TTC29: variants seen among roughly 807,000 people sequenced by gnomAD.
TTC29 encodes tetratricopeptide repeat protein 29.
TTC29 carries 49 observed loss-of-function variants against 58.1 expected under a neutral mutation model. The observed-to-expected ratio is 0.84, with a 90% CI of 0.67 to 1.07. The LOEUF is 1.07. Ranked by LOEUF, TTC29 falls within the 50% of genes least tolerant of loss-of-function variation. The pLI is 0.00. For missense variants in TTC29, 582 were observed against 555.6 expected (o/e 1.05, Z -0.48); for synonymous variants, 209 against 196.8 (o/e 1.06, Z -0.52).
intron 11 of TTC29, 84 bp from the exon 12 acceptor site, chr4:146,707,635 C>G: frequency 1.0e-6 from 1 of 954,474 alleles, no homozygotes; most frequent in Non-Finnish European, 1.6e-6. Flanking sequence ...AATCCCTTTT[C>G]AGGGATATCT....
In TTC29 at chr4:146,816,997, CAG is replaced by C. The variant is rs1324374376; in HGVS notation, c.1101+3126_1101+3127del. 2.6e-5 allele frequency among the ~76,000 whole-genome samples: 4 copies of C among 152,186 alleles called. No individual in the cohort carries two copies. In the East Asian group the frequency reaches 7.7e-4, roughly 29 times the overall value. On this transcript the variant is annotated intron_variant, in intron 10 of 12. Transcript: ENST00000325106. The stretch of plus-strand genomic sequence containing the variant: ...ATACCACTAAGGGTGTAGAGAAAAA[CAG>C]AAGTTTATAAAGATAGTACCTCAAG...
At chr4:146,781,042 C>T (rs1307868345) in intron 11 of TTC29, among the ~76,000 whole-genome samples, 3 of 152,002 alleles carry the variant, frequency 2.0e-5, no homozygotes, top group African/African-American at 7.2e-5. Context: ...TTGTATTATA[C>T]TTCATCACTC....
chr4:146,805,145 T>G (rs1199863418), intron 10 of TTC29, among the ~76,000 whole-genome samples: 5 of 152,192 alleles, frequency 3.3e-5, no homozygotes, highest in African/African-American at 1.2e-4. Context: ...GAGAGGGGCC[T>G]GACTGTTAGA....
intron 11 of TTC29, among the ~76,000 whole-genome samples, chr4:146,739,747 A>G (rs910800890): frequency 6.6e-6 from 1 of 152,174 alleles, no homozygotes; most frequent in Non-Finnish European, 1.5e-5. Flanking sequence ...TCCACTTTTG[A>G]CCAATAAATG....
chr4:146,937,644 A>T lies in TTC29; in HGVS notation c.126T>A (p.Asp42Glu). ...CTTTGAAATTTACCTCTAGATAATGATCTATGTCATCTTTTTCTTTGATCA... is the reference window on the plus strand; with the variant it reads ...CTTTGAAATTTACCTCTAGATAATGTTCTATGTCATCTTTTTCTTTGATCA... ...SQLIKEKDDI[D>E]HYLEVNFKGL... is the part of the protein sequence containing the mutation. The change falls in exon 4 of 13, where the codon GAT becomes GAA. Residue 42 changes from aspartate (D) to glutamate (E), a missense_variant. Coordinates refer to ENST00000325106, the MANE Select transcript of TTC29 (RefSeq NM_031956.4). 6.5e-7 allele frequency: 1 copy of T among 1,538,420 alleles called. No individual in the cohort carries two copies. Among genetic ancestry groups the T allele is most frequent in the Non-Finnish European group, 8.8e-7 (1 of 1,137,798 alleles).
intron 4 of TTC29, 57 bp downstream of exon 4, chr4:146,937,537 G>C: frequency 8.9e-7 from 1 of 1,124,972 alleles, no homozygotes; most frequent in East Asian, 2.7e-5. Flanking sequence ...TTTCAATAAA[G>C]AATCAAGACA....
At chr4:146,875,589 AT>A (rs1392048106) in intron 6 of TTC29, among the ~76,000 whole-genome samples, 2 of 152,098 alleles carry the variant, frequency 1.3e-5, no homozygotes, top group African/African-American at 4.8e-5. Flanking sequence ...AGCTCAAGCG[AT>A]CCTTCCACCT....
At chr4:146,933,169 T>A (rs1466391165) in intron 4 of TTC29, among the ~76,000 whole-genome samples, 2 of 152,228 alleles carry the variant, frequency 1.3e-5, no homozygotes, top group Admixed American at 6.5e-5. Context: ...GACAAAGTGA[T>A]GCTCAATAAA....
At chr4:146,898,629 T>C (rs1269359970) in intron 6 of TTC29, among the ~76,000 whole-genome samples, 3 of 152,246 alleles carry the variant, frequency 2.0e-5, no homozygotes, top group Admixed American at 2.0e-4. Flanking sequence ...CCCTGCCTTG[T>C]CTGCAGTGAA....
chr4:146,731,807 A>G (rs1459236512), intron 11 of TTC29, among the ~76,000 whole-genome samples: 4 of 152,196 alleles, frequency 2.6e-5, no homozygotes, highest in Non-Finnish European at 5.9e-5. Context: ...GGAAATGCTG[A>G]CACTTGGGAA....
intron 11 of TTC29, among the ~76,000 whole-genome samples, chr4:146,768,712 G>A (rs1579630163): frequency 6.6e-6 from 1 of 151,980 alleles, no homozygotes; most frequent in South Asian, 2.1e-4. Context: ...AGACGAATAG[G>A]AGCAATAAGT....
chr4:146,873,661 C>T lies in TTC29; in HGVS notation c.799+1055G>A, dbSNP rs546139004. ...TATAAGAGCTAACTCTGTGTTTACC[C>T]CTTTGGGGGAAGGTACTAGACCATT... On this transcript the variant is annotated intron_variant, in intron 7 of 12. Coordinates refer to ENST00000325106, the MANE Select transcript of TTC29 (RefSeq NM_031956.4). 9.9e-5 allele frequency among the ~76,000 whole-genome samples: 15 copies of T among 152,262 alleles called. No homozygotes were observed. In the South Asian group the frequency reaches 3.1e-3, roughly 32 times the overall value.
At chr4:146,780,922 A>AAAT (rs1748546663) in intron 11 of TTC29, among the ~76,000 whole-genome samples, 1 of 152,088 alleles carries the variant, frequency 6.6e-6, no homozygotes, top group African/African-American at 2.4e-5. Flanking sequence ...TGAGTCTCAC[A>AAAT]AATATAAAAA....
intron 8 of TTC29, among the ~76,000 whole-genome samples, chr4:146,866,164 T>C (rs1463139132): frequency 1.3e-5 from 2 of 152,164 alleles, no homozygotes; most frequent in Non-Finnish European, 2.9e-5. Flanking sequence ...TTAGTTTTCA[T>C]TGTGAATTTT....
At chr4:146,751,752 AAGAGCTCACATAAAT>A (rs1746015159) in intron 11 of TTC29, among the ~76,000 whole-genome samples, 1 of 152,184 alleles carries the variant, frequency 6.6e-6, no homozygotes, top group Non-Finnish European at 1.5e-5. Context: ...AAAAAGATGA[AAGAGCTCACATAAAT>A]AGTTTAACAT....
At chr4:146,842,158 T>C (rs1728892209) in intron 8 of TTC29, among the ~76,000 whole-genome samples, 1 of 152,122 alleles carries the variant, frequency 6.6e-6, no homozygotes, top group South Asian at 2.1e-4. Flanking sequence ...CAAACCATTA[T>C]GCAGCTCAAA....
chr4:146,919,655 GT>G (rs1201855647), intron 4 of TTC29, among the ~76,000 whole-genome samples: 1 of 150,994 alleles, frequency 6.6e-6, no homozygotes, highest in African/African-American at 2.4e-5. Context: ...CTGACACTCT[GT>G]TTTTTGAAAC....
intron 11 of TTC29, 77 bp downstream of exon 11, chr4:146,803,380 T>C: frequency 9.3e-7 from 1 of 1,070,154 alleles, no homozygotes; most frequent in Non-Finnish European, 1.3e-6. Context: ...GACATTTGAG[T>C]GAAACTTTCC....
chr4:146,730,071 A>G (rs1397289008), intron 11 of TTC29, among the ~76,000 whole-genome samples: 1 of 152,016 alleles, frequency 6.6e-6, no homozygotes, highest in East Asian at 1.9e-4. Flanking sequence ...AAGTTATCTT[A>G]TTTTTATAAG....
Sources: gnomAD v4.1 joint callset for allele counts (sites outside exome capture counted in the v4.1 genomes callset) on GRCh38, gnomAD v4.1.1 for gene constraint, MANE v1.5 for transcripts, NCBI Gene and HGNC (gene_info 2026-07-23, HGNC 2026-07-21) for gene names.